The following ASIC2 variants were observed in gnomAD, a reference collection of about 807,000 sequenced individuals.
The protein encoded by ASIC2 is acid sensing ion channel subunit 2.
Under a neutral mutation model 57.3 loss-of-function variants are expected in ASIC2, and 25 were observed. That is an observed-to-expected ratio of 0.44 (90% CI 0.32 to 0.61). The LOEUF (loss-of-function observed/expected upper bound fraction) is 0.61. ASIC2 is among the 20% of genes least tolerant of loss of function. The pLI is 0.06. For synonymous variants in ASIC2, 319 were observed against 307.5 expected (o/e 1.04, Z -0.39); for missense variants, 641 against 738.1 (o/e 0.87, Z 1.52).
At chr17:33,108,487 G>A (rs952764542) in intron 2 of ASIC2, among the ~76,000 whole-genome samples, 1 of 152,116 alleles carries the variant, frequency 6.6e-6, no homozygotes, top group Admixed American at 6.5e-5. Context: ...CATCATCCTC[G>A]GGATCAATGA....
In ASIC2 at chr17:34,036,195, A is replaced by G. The variant is rs532984641; in HGVS notation, c.555+119783T>C. Reference sequence around the variant, plus strand: ...CACCATGGAATACTATGCAGCCATAAAAAATGATGAGTTCATGTCCTTTGT... The same window carrying G: ...CACCATGGAATACTATGCAGCCATAGAAAATGATGAGTTCATGTCCTTTGT... On this transcript the variant is annotated intron_variant, in intron 1 of 9. Coordinates refer to the ASIC2 transcript ENST00000359872. Among the ~76,000 whole-genome samples, 581 of 152,176 alleles carry G rather than the reference A, an allele frequency of 3.8e-3. 3 individuals are homozygous for G. The highest frequency in any genetic ancestry group is 0.013 in the African/African-American group (540 of 41,486).
intron 1 of ASIC2, among the ~76,000 whole-genome samples, chr17:33,999,285 T>C (rs1033565561): frequency 6.6e-6 from 1 of 152,178 alleles, no homozygotes; most frequent in Admixed American, 6.5e-5. Flanking sequence ...GTAGGCAGCA[T>C]ATAGTTGGGT....
At chr17:33,280,350 G>A (rs900865109) in intron 1 of ASIC2, among the ~76,000 whole-genome samples, 20 of 152,188 alleles carry the variant, frequency 1.3e-4, no homozygotes, top group Middle Eastern at 3.2e-3. Context: ...CATCAAAAAT[G>A]TAATGTAATT....
chr17:33,561,819 G>A (rs1403079383), intron 1 of ASIC2, among the ~76,000 whole-genome samples: 6 of 152,118 alleles, frequency 3.9e-5, no homozygotes, highest in African/African-American at 1.4e-4. Flanking sequence ...TTCCCTTTGG[G>A]GCTATTCCCA....
At chr17:33,025,892 C>G (rs1323844186) in intron 5 of ASIC2, 34 bp downstream of exon 5, 1 of 1,567,108 alleles carries the variant, frequency 6.4e-7, no homozygotes, top group African/African-American at 1.4e-5. Context: ...AGGCCCCCGG[C>G]CCCCATGATT....
At chr17:33,826,845 C>A (rs1567726837) in intron 1 of ASIC2, among the ~76,000 whole-genome samples, 1 of 152,058 alleles carries the variant, frequency 6.6e-6, no homozygotes, top group African/African-American at 2.4e-5. Flanking sequence ...TTTTTTATAA[C>A]CTTAATAGAG....
intron 1 of ASIC2, among the ~76,000 whole-genome samples, chr17:33,497,296 GC>G (rs1427430224): frequency 1.3e-5 from 2 of 152,182 alleles, no homozygotes; most frequent in East Asian, 3.9e-4. Flanking sequence ...ACCTCCCTGG[GC>G]CCCACATGGG....
intron 1 of ASIC2, among the ~76,000 whole-genome samples, chr17:34,066,489 C>T (rs1482726844): frequency 6.6e-6 from 1 of 152,164 alleles, no homozygotes; most frequent in Non-Finnish European, 1.5e-5. Context: ...CTGTGAACCA[C>T]TGATGCAGGT....
At chr17:33,015,243 C>G (rs976221442) in intron 9 of ASIC2, among the ~76,000 whole-genome samples, 1 of 152,256 alleles carries the variant, frequency 6.6e-6, no homozygotes, top group Non-Finnish European at 1.5e-5. Context: ...ATTTGGGGCC[C>G]AAGGCTGGAT....
rs149266217 is a variant in ASIC2, at chr17:33,329,358, C to T, written c.556-217291G>A. On this transcript the variant is annotated intron_variant, in intron 1 of 9. Transcript: ENST00000359872. ...AGTGTGATTAGACTGTGAATTCCTC[C>T]TTGGCTGGGAAGTTCATGACCTATA... Among the ~76,000 whole-genome samples the T allele has an allele frequency of 5.7e-3, 866 of 152,262 alleles. 12 individuals carry two copies. Among genetic ancestry groups the T allele is most frequent in the African/African-American group, 0.02 (825 of 41,554 alleles).
Position 34,074,897 on chromosome 17 carries a change from T to C in ASIC2, c.555+81081A>G, listed in dbSNP as rs570610805. Among the ~76,000 whole-genome samples the C allele has an allele frequency of 4.6e-5, 7 of 150,772 alleles. No individual in the cohort carries two copies. The East Asian group carries it at 1.4e-3, about 30-fold the overall frequency. Reference sequence around the variant, plus strand: ...ATCTCCAGGGTTCAAGTGATTCTCCTGTCTCAGCCCCCTGAGTAGTTGGGA... The same window carrying C: ...ATCTCCAGGGTTCAAGTGATTCTCCCGTCTCAGCCCCCTGAGTAGTTGGGA... On this transcript the variant is annotated intron_variant, in intron 1 of 9. Transcript: ENST00000359872.
intron 1 of ASIC2, among the ~76,000 whole-genome samples, chr17:33,390,296 G>A (rs1385554313): frequency 6.6e-6 from 1 of 152,066 alleles, no homozygotes; most frequent in East Asian, 1.9e-4. Context: ...ATGGGCCACA[G>A]AGCGAGATTC....
intron 1 of ASIC2, among the ~76,000 whole-genome samples, chr17:33,732,503 C>CTTTTT (rs35048594): frequency 1.6e-5 from 2 of 127,300 alleles, no homozygotes; most frequent in African/African-American, 2.8e-5. Context: ...TAAGGAAATT[C>CTTTTT]TTTTTTTTTT....
chr17:33,333,696 G>A (rs975681600), intron 1 of ASIC2, among the ~76,000 whole-genome samples: 12 of 151,694 alleles, frequency 7.9e-5, no homozygotes, highest in Non-Finnish European at 1.5e-4. Flanking sequence ...ACAATGTTAA[G>A]GACAAAAAAA....
chr17:34,095,633 T>TTATATATA (rs796194067), intron 1 of ASIC2, among the ~76,000 whole-genome samples: 1 of 98,184 alleles, frequency 1.0e-5, no homozygotes, highest in African/African-American at 4.2e-5. Context: ...ATATATAATT[T>TTATATATA]TATATATATA....
intron 1 of ASIC2, among the ~76,000 whole-genome samples, chr17:33,641,512 C>G (rs1164869697): frequency 2.0e-5 from 3 of 152,230 alleles, no homozygotes; most frequent in African/African-American, 7.2e-5. Context: ...AGGACTCACT[C>G]AGAGCCACAC....
chr17:33,384,350 A>G (rs988370524), intron 1 of ASIC2, among the ~76,000 whole-genome samples: 9 of 152,216 alleles, frequency 5.9e-5, no homozygotes, highest in African/African-American at 2.2e-4. Flanking sequence ...GTTCTATATA[A>G]GAAAGAATGC....
intron 2 of ASIC2, among the ~76,000 whole-genome samples, chr17:33,091,874 G>T (rs4077500): frequency 0.23 from 35,749 of 152,128 alleles, 4,602 homozygotes; most frequent in South Asian, 0.42. Flanking sequence ...GTAGGTGCCA[G>T]TTATGAAAGG....
At chr17:33,567,493 A>T (rs1916274656) in intron 1 of ASIC2, among the ~76,000 whole-genome samples, 1 of 152,206 alleles carries the variant, frequency 6.6e-6, no homozygotes, top group Non-Finnish European at 1.5e-5. Flanking sequence ...ACTGATTTGC[A>T]TTTTAGAAAG....
Sources: gnomAD v4.1 joint callset for allele counts (sites outside exome capture counted in the v4.1 genomes callset) on GRCh38, gnomAD v4.1.1 for gene constraint, MANE v1.5 for transcripts, NCBI Gene and HGNC (gene_info 2026-07-23, HGNC 2026-07-21) for gene names.